Variants in RAPGEF5 observed in about 807,000 individuals in gnomAD.
The protein encoded by RAPGEF5 is M-Ras-regulated GEF.
In RAPGEF5, 65 loss-of-function variants were observed where a neutral mutation model predicts 125.2. The ratio of observed to expected loss-of-function variants is 0.52; its 90% CI spans 0.43 to 0.64. The LOEUF (loss-of-function observed/expected upper bound fraction) is 0.64, where lower values mean the gene tolerates loss of function less well. Among genes scored for constraint, RAPGEF5 ranks in the 30% least tolerant of loss-of-function variants. The probability of loss-of-function intolerance (pLI) is 0.00; values close to 1 mark genes in which losing one functional copy is unlikely to be tolerated. For synonymous variants in RAPGEF5, 391 were observed against 385.9 expected (o/e 1.01, Z -0.16); for missense variants, 958 against 1,048.1 (o/e 0.91, Z 1.19).
At chr7:22,263,281 G>T (rs1012217012) in intron 7 of RAPGEF5, among the ~76,000 whole-genome samples, 1 of 152,038 alleles carries the variant, frequency 6.6e-6, no homozygotes, top group African/African-American at 2.4e-5. Context: ...TTATCATTGG[G>T]GTAATTTGCA....
rs769354193 is a variant in RAPGEF5 at position 22,157,845 on chromosome 7, A to C, written c.1557+10T>G. The C allele has an allele frequency of 1.9e-6, 3 of 1,610,544 alleles. No homozygotes were observed. In the Admixed American group the frequency reaches 5.0e-5, roughly 27 times the overall value. On this transcript the variant is annotated intron_variant, in intron 15 of 25. Transcript: ENST00000665637. ...ATCACCTAATTTTAGGTATAGAAGC[A>C]TCTGCTTACCTTTTTTTGTGGTGAA...
chr7:22,261,544 C>T (rs936006387), intron 7 of RAPGEF5, among the ~76,000 whole-genome samples: 4 of 152,114 alleles, frequency 2.6e-5, no homozygotes, highest in Admixed American at 2.6e-4. Flanking sequence ...CCTGGGAGGT[C>T]AAAGCTGCAG....
intron 9 of RAPGEF5, among the ~76,000 whole-genome samples, chr7:22,203,717 A>G (rs1699470791): frequency 6.6e-6 from 1 of 152,120 alleles, no homozygotes; most frequent in South Asian, 2.1e-4. Flanking sequence ...GAAACCACTG[A>G]GATTTTTTGA....
intron 4 of RAPGEF5, 40 bp from the exon 5 acceptor site, chr7:22,308,547 G>A (rs1783397279): frequency 7.2e-7 from 1 of 1,396,160 alleles, no homozygotes; most frequent in Non-Finnish European, 9.6e-7. Context: ...TTTTTTAAAA[G>A]ATATTACTCA....
intron 1 of RAPGEF5, among the ~76,000 whole-genome samples, chr7:22,329,765 T>C (rs902058631): frequency 2.6e-5 from 4 of 152,222 alleles, no homozygotes; most frequent in African/African-American, 9.6e-5. Flanking sequence ...CAGCCCATGC[T>C]GAGGTCCGAA....
intron 6 of RAPGEF5, among the ~76,000 whole-genome samples, chr7:22,274,586 T>A (rs544321520): frequency 2.1e-4 from 32 of 152,300 alleles, no homozygotes; most frequent in Middle Eastern, 6.8e-3. Flanking sequence ...TGCCTCAGCC[T>A]CCTAAAGTAC....
intron 5 of RAPGEF5, among the ~76,000 whole-genome samples, chr7:22,306,680 T>A (rs1427398497): frequency 6.6e-6 from 1 of 152,146 alleles, no homozygotes; most frequent in Non-Finnish European, 1.5e-5. Flanking sequence ...ATCTTGTAGT[T>A]TCATAGTTTG....
chr7:22,151,363 ATTG>A (rs1783620465), intron 17 of RAPGEF5, among the ~76,000 whole-genome samples: 1 of 152,032 alleles, frequency 6.6e-6, no homozygotes, highest in South Asian at 2.1e-4. Flanking sequence ...AAACTACCAA[ATTG>A]TTTTCTGATT....
intron 23 of RAPGEF5, among the ~76,000 whole-genome samples, chr7:22,134,476 C>T (rs570216405): frequency 1.5e-4 from 16 of 107,236 alleles, no homozygotes; most frequent in East Asian, 2.4e-4. Flanking sequence ...AAATTGCATC[C>T]GAGCTAAAAT....
At chr7:22,260,625 G>A (rs77362721) in intron 7 of RAPGEF5, among the ~76,000 whole-genome samples, 3,145 of 150,626 alleles carry the variant, frequency 0.021, 109 homozygotes, top group East Asian at 0.12. Context: ...CAAAAATGTC[G>A]ACTTGTACAG....
chr7:22,136,906 T>C (rs1306629687), intron 22 of RAPGEF5, 27 bp downstream of exon 22: 9 of 1,529,522 alleles, frequency 5.9e-6, no homozygotes, highest in Non-Finnish European at 8.1e-6. Flanking sequence ...TTTTGAAGAA[T>C]AAGTCCCCTT....
intron 7 of RAPGEF5, among the ~76,000 whole-genome samples, chr7:22,232,680 C>A (rs1786089144): frequency 6.6e-6 from 1 of 152,154 alleles, no homozygotes; most frequent in Admixed American, 6.5e-5. Context: ...ATTTCATGTA[C>A]TTTTTGCTTT....
At chr7:22,268,501 G>A (rs185478173) in intron 6 of RAPGEF5, among the ~76,000 whole-genome samples, 39 of 152,274 alleles carry the variant, frequency 2.6e-4, no homozygotes, top group African/African-American at 9.1e-4. Context: ...TTGTTTGTAA[G>A]GTTTATTGTA....
intron 14 of RAPGEF5, among the ~76,000 whole-genome samples, chr7:22,158,621 A>T (rs1783887327): frequency 6.6e-6 from 1 of 152,132 alleles, no homozygotes; most frequent in African/African-American, 2.4e-5. Flanking sequence ...TTATAAAAAT[A>T]GACAAAAATC....
chr7:22,262,154 T>A (rs933368283), intron 7 of RAPGEF5, among the ~76,000 whole-genome samples: 4 of 151,740 alleles, frequency 2.6e-5, no homozygotes, highest in Non-Finnish European at 5.9e-5. Flanking sequence ...TGCCAACCAG[T>A]CCTTATCAAC....
intron 1 of RAPGEF5, among the ~76,000 whole-genome samples, chr7:22,355,760 AAAG>A (rs1784409377): frequency 6.6e-6 from 1 of 152,070 alleles, no homozygotes; most frequent in South Asian, 2.1e-4. Flanking sequence ...TTCCCTACCC[AAAG>A]GAGGGCGCAT....
rs768934468 is a variant in RAPGEF5 at position 22,150,398 on chromosome 7, G to A, written c.1884+9C>T. The A allele has an allele frequency of 6.2e-7, 1 of 1,603,136 alleles. No individual in the cohort carries two copies. The highest frequency in any genetic ancestry group is 8.5e-7 in the Non-Finnish European group (1 of 1,176,122). On this transcript the variant is annotated intron_variant, in intron 18 of 25. Coordinates refer to ENST00000665637, the MANE Select transcript of RAPGEF5 (RefSeq NM_012294.5). ...TGTTTGTTTCAAATACAAGGCTGAA[G>A]GTCCTTACCAAAGTGTCCGCCAGGT...
intron 2 of RAPGEF5, 90 bp from the exon 3 acceptor site, chr7:22,315,566 TA>T (rs1783572180): frequency 4.8e-6 from 3 of 620,778 alleles, no homozygotes; most frequent in Admixed American, 5.8e-5. Flanking sequence ...TATATATATA[TA>T]TTTATATATA....
intron 6 of RAPGEF5, among the ~76,000 whole-genome samples, chr7:22,272,574 G>A (rs1396914620): frequency 1.3e-5 from 2 of 151,906 alleles, no homozygotes; most frequent in South Asian, 2.1e-4. Flanking sequence ...TTAAAATACA[G>A]AGCCCATTTT....
Sources: allele counts gnomAD v4.1 joint callset (sites outside exome capture counted in the v4.1 genomes callset), GRCh38; gene constraint gnomAD v4.1.1; transcripts MANE v1.5; gene names NCBI Gene and HGNC (gene_info 2026-07-23, HGNC 2026-07-21).